The following POLR2B variants were observed in gnomAD, a reference collection of about 807,000 sequenced individuals.
POLR2B encodes the protein DNA-directed RNA polymerase II subunit RPB2.
POLR2B carries 57 observed loss-of-function variants against 144.6 expected under a neutral mutation model. The observed-to-expected ratio is 0.39, with a 90% CI of 0.32 to 0.49. The LOEUF (loss-of-function observed/expected upper bound fraction) is 0.49, where lower values mean the gene tolerates loss of function less well. Among genes scored for constraint, POLR2B ranks in the 20% least tolerant of loss-of-function variants. The pLI, the probability that POLR2B is intolerant of heterozygous loss-of-function variation, is 0.83. For missense variants in POLR2B, 595 were observed against 1,467.4 expected (o/e 0.41, Z 9.71); for synonymous variants, 442 against 469.8 (o/e 0.94, Z 0.77).
intron 5 of POLR2B, 96 bp from the exon 6 acceptor site, chr4:56,995,155 A>G (rs1405366659): frequency 8.2e-6 from 7 of 850,612 alleles, no homozygotes; most frequent in Admixed American, 2.7e-5. Flanking sequence ...CAGTGAGCCT[A>G]TATGGTCAGA....
chr4:57,027,726 C>G (rs1723770814), intron 23 of POLR2B, among the ~76,000 whole-genome samples: 1 of 152,160 alleles, frequency 6.6e-6, no homozygotes, highest in African/African-American at 2.4e-5. Flanking sequence ...GTTTGAAGTT[C>G]ATTGGTTTGT....
intron 2 of POLR2B, among the ~76,000 whole-genome samples, chr4:56,988,204 G>A (rs1211859847): frequency 6.6e-6 from 1 of 152,074 alleles, no homozygotes; most frequent in East Asian, 1.9e-4. Flanking sequence ...GCCATGTTTG[G>A]TTGCAAAGGT....
chr4:57,007,051 G>A (rs773155827), intron 10 of POLR2B, 49 bp downstream of exon 10: 2 of 1,229,194 alleles, frequency 1.6e-6, no homozygotes, highest in Admixed American at 4.3e-5. Flanking sequence ...CATGTTTATA[G>A]GACTAGTAGA....
intron 21 of POLR2B, 28 bp from the exon 22 acceptor site, chr4:57,024,858 T>C: frequency 3.3e-6 from 4 of 1,225,276 alleles, no homozygotes; most frequent in Non-Finnish European, 4.7e-6. Flanking sequence ...TGAAGCAACA[T>C]TTTAAAGAGT....
rs1388501959 is a variant in POLR2B at position 57,017,205 on chromosome 4, C to T, written c.2118C>T (p.Val706=). 1.2e-6 allele frequency: 2 copies of T among 1,613,038 alleles called. No homozygotes were observed. The highest frequency in any genetic ancestry group is 1.1e-5 in the South Asian group (1 of 91,018). The stretch of plus-strand genomic sequence containing the variant: ...TTCATCCCTCAATGATCCTTGGTGT[C>T]TGTGCATCTATTATTCCCTTTCCTG... The part of the protein sequence containing the change: ...CEIHPSMILG[V]CASIIPFPDH... Residue 706 remains valine (V), a synonymous_variant, in exon 15 of 25, where the codon GTC becomes GTT. Transcript: ENST00000314595. The surrounding 1 kb of genome is among the most constrained non-coding windows in gnomAD (Gnocchi z 4.8).
At chr4:57,014,591 C>T (rs1723308231) in intron 13 of POLR2B, among the ~76,000 whole-genome samples, 2 of 150,548 alleles carry the variant, frequency 1.3e-5, no homozygotes, top group Non-Finnish European at 2.9e-5. Context: ...CAAGCTCTGC[C>T]TCCCGGGTTC....
At chr4:57,011,420 C>A (rs982894783) in intron 13 of POLR2B, among the ~76,000 whole-genome samples, 1 of 152,100 alleles carries the variant, frequency 6.6e-6, no homozygotes, top group Non-Finnish European at 1.5e-5. Flanking sequence ...CGCAGCTACT[C>A]GGGAGGCTGA....
At chr4:57,014,484 C>T (rs976214347) in intron 13 of POLR2B, among the ~76,000 whole-genome samples, 9 of 148,320 alleles carry the variant, frequency 6.1e-5, no homozygotes, top group Admixed American at 4.8e-4. Context: ...CATGAGCCAC[C>T]GTGCCTGGTC....
rs556542796 is a variant in POLR2B, at chr4:57,019,375, CT to C, written c.2324-1513del. Among the ~76,000 whole-genome samples the C allele has an allele frequency of 6.6e-3, 960 of 145,338 alleles. 26 individuals are homozygous for C. The highest frequency in any genetic ancestry group is 0.051 in the Admixed American group (736 of 14,518). On this transcript the variant is annotated intron_variant, in intron 16 of 24. Coordinates refer to ENST00000314595, the MANE Select transcript of POLR2B (RefSeq NM_000938.3). ...ATCATGGCATCTTTATTTTGAAATT[CT>C]TTTTTTTTTTGTAGAGATAGGGTCT...
chr4:56,996,262 G>GTGTATACATATA (rs1553910008), intron 6 of POLR2B, among the ~76,000 whole-genome samples: 35 of 88,890 alleles, frequency 3.9e-4, no homozygotes, highest in African/African-American at 1.6e-3. Context: ...GTGTGTGTGT[G>GTGTATACATATA]TATATATATA....
chr4:57,021,206 C>T (rs1034803499), intron 17 of POLR2B, among the ~76,000 whole-genome samples: 2 of 152,134 alleles, frequency 1.3e-5, no homozygotes, highest in Non-Finnish European at 2.9e-5. Flanking sequence ...AGGAAATATA[C>T]AGTTGCATTT....
At chr4:57,012,437 C>G (rs940821901) in intron 13 of POLR2B, among the ~76,000 whole-genome samples, 2 of 151,252 alleles carry the variant, frequency 1.3e-5, no homozygotes, top group Admixed American at 1.3e-4. Flanking sequence ...AAAATCATTA[C>G]AATATATTGT....
intron 10 of POLR2B, among the ~76,000 whole-genome samples, chr4:57,008,777 G>A (rs1038784863): frequency 3.3e-5 from 5 of 152,298 alleles, no homozygotes; most frequent in Non-Finnish European, 7.3e-5. Context: ...CTTGGAAAAC[G>A]CCCAAGTTGC....
rs1341293130 is a variant in POLR2B, at chr4:56,990,189, T to G, written c.93-559T>G. ...TCCTGACATATTTGTCAAGAAGTAC[T>G]TCAAAGAGGTGGAATAAAATTTGTC... is the stretch of plus-strand genomic sequence containing the variant. On this transcript the variant is annotated intron_variant, in intron 2 of 24. Transcript: ENST00000314595. Among the ~76,000 whole-genome samples, 4 of 152,346 alleles carry G rather than the reference T, an allele frequency of 2.6e-5. No homozygotes were observed. In the East Asian group the frequency reaches 7.7e-4, roughly 29 times the overall value.
chr4:57,030,871 C>T (rs765509156), intron 24 of POLR2B, 28 bp from the exon 25 acceptor site: 8 of 1,360,242 alleles, frequency 5.9e-6, no homozygotes, highest in Non-Finnish European at 8.4e-6. Flanking sequence ...TACAATTCTG[C>T]TAATTACCAT....
At position 57,023,764 on chromosome 4, in the gene POLR2B, G is replaced by A; in HGVS notation, c.2856+13G>A. 6.7e-7 allele frequency: 1 copy of A among 1,499,410 alleles called. No individual in the cohort carries two copies. The highest frequency in any genetic ancestry group is 9.2e-7 in the Non-Finnish European group (1 of 1,091,334). The allele number at this position is 1,499,410 out of a possible 1,614,324, so 92.9% of individuals were successfully genotyped here. ...GTATAGACAAGAGGTAGGTATCTTT[G>A]ATCTCCCTCATGCCCAAACCAGTTT... On this transcript the variant is annotated intron_variant, in intron 20 of 24. Transcript: ENST00000314595. The surrounding 1 kb of genome is among the most constrained non-coding windows in gnomAD (Gnocchi z 4.3).
Position 57,011,050 on chromosome 4 carries a change from A to G in POLR2B, c.1750A>G (p.Met584Val), listed in dbSNP as rs1188712428. 6.2e-7 allele frequency: 1 copy of G among 1,614,050 alleles called. No homozygotes were observed. The highest frequency in any genetic ancestry group is 8.5e-7 in the Non-Finnish European group (1 of 1,179,896). The change falls in exon 13 of 25, where the codon ATG becomes GTG. Residue 584 changes from methionine (M) to valine (V), a missense_variant. By Grantham distance (21) the Met-to-Val change is conservative. Coordinates refer to ENST00000314595, the MANE Select transcript of POLR2B (RefSeq NM_000938.3). Reference sequence around the variant, plus strand: ...AATACATAAAGATCCCGAACAACTTATGAACACCCTAAGGAAATTGAGACG... The same window carrying G: ...AATACATAAAGATCCCGAACAACTTGTGAACACCCTAAGGAAATTGAGACG... ...VGIHKDPEQL[M>V]NTLRKLRRQM...
At chr4:57,000,706 TG>T (rs71657246) in intron 7 of POLR2B, among the ~76,000 whole-genome samples, 2 of 151,614 alleles carry the variant, frequency 1.3e-5, no homozygotes, top group African/African-American at 4.9e-5. Context: ...CTGTTTTTTT[TG>T]GGGGGGAGGA....
intron 2 of POLR2B, among the ~76,000 whole-genome samples, chr4:56,987,360 T>C (rs187035703): frequency 6.6e-6 from 1 of 150,994 alleles, no homozygotes; most frequent in Non-Finnish European, 1.5e-5. Context: ...TTATAAGTGA[T>C]AAAGTAACAT....
Sources: gnomAD v4.1 joint callset for allele counts (sites outside exome capture counted in the v4.1 genomes callset) on GRCh38, gnomAD v4.1.1 for gene constraint, Gnocchi (gnomAD v3.1) non-coding constraint, MANE v1.5 for transcripts, NCBI Gene and HGNC (gene_info 2026-07-23, HGNC 2026-07-21) for gene names.